The following SCLT1 variants were observed in gnomAD, a reference collection of about 807,000 sequenced individuals.
The protein encoded by SCLT1 is sodium channel-associated protein 1.
SCLT1 carries 78 observed loss-of-function variants against 112.8 expected under a neutral mutation model. The observed-to-expected ratio is 0.69, with a 90% CI of 0.58 to 0.83. The LOEUF is 0.83. Ranked by LOEUF, SCLT1 falls within the 40% of genes least tolerant of loss-of-function variation. SCLT1 has a pLI of 0.00. For missense variants in SCLT1, 747 were observed against 770.4 expected (o/e 0.97, Z 0.36); for synonymous variants, 257 against 254.7 (o/e 1.01, Z -0.09).
intron 2 of SCLT1, among the ~76,000 whole-genome samples, chr4:129,065,636 G>C (rs987052508): frequency 6.6e-6 from 1 of 151,408 alleles, no homozygotes; most frequent in African/African-American, 2.4e-5. Context: ...TTGGCCAGTG[G>C]GCTATAGTTT....
chr4:129,028,430 G>A (rs1378612587), intron 5 of SCLT1, among the ~76,000 whole-genome samples: 1 of 152,104 alleles, frequency 6.6e-6, no homozygotes, highest in South Asian at 2.1e-4. Context: ...ATGGGGAAAG[G>A]ATTCCCTATT....
intron 13 of SCLT1, among the ~76,000 whole-genome samples, chr4:128,953,628 A>C (rs1005256067): frequency 2.0e-5 from 3 of 151,326 alleles, no homozygotes; most frequent in Non-Finnish European, 4.4e-5. Flanking sequence ...CTCCGTCTCT[A>C]TAAAAAAAAA....
chr4:129,059,052 C>T (rs1413437723), intron 2 of SCLT1, among the ~76,000 whole-genome samples: 2 of 151,964 alleles, frequency 1.3e-5, no homozygotes, highest in Admixed American at 6.6e-5. Flanking sequence ...TGTTTGTTTC[C>T]AGTTTTTGAT....
At chr4:128,900,773 A>G (rs1404638926) in intron 18 of SCLT1, among the ~76,000 whole-genome samples, 3 of 152,296 alleles carry the variant, frequency 2.0e-5, no homozygotes, top group African/African-American at 7.2e-5. Flanking sequence ...TTTGCAATCT[A>G]CTCATCTGAC....
intron 18 of SCLT1, among the ~76,000 whole-genome samples, chr4:128,895,882 G>A (rs1733708981): frequency 6.6e-6 from 1 of 152,206 alleles, no homozygotes; most frequent in Admixed American, 6.5e-5. Context: ...GGCACACCAG[G>A]AGATTATATC....
intron 18 of SCLT1, among the ~76,000 whole-genome samples, chr4:128,919,104 C>T (rs930054065): frequency 6.6e-6 from 1 of 152,072 alleles, no homozygotes; most frequent in African/African-American, 2.4e-5. Context: ...GACCTCTCCA[C>T]CCAAAACAAA....
chr4:129,067,715 T>C (rs906025364), intron 2 of SCLT1, among the ~76,000 whole-genome samples: 9 of 152,180 alleles, frequency 5.9e-5, no homozygotes, highest in Admixed American at 2.6e-4. Flanking sequence ...TTTCACCATG[T>C]TGGCCAGGCT....
chr4:128,948,128 G>A (rs1026560858), intron 15 of SCLT1, among the ~76,000 whole-genome samples: 1 of 151,890 alleles, frequency 6.6e-6, no homozygotes, highest in African/African-American at 2.4e-5. Flanking sequence ...GAGGTCAGGA[G>A]ATAGAGACCA....
intron 18 of SCLT1, 25 bp downstream of exon 18, chr4:128,936,630 G>A: frequency 2.1e-6 from 3 of 1,428,356 alleles, no homozygotes; most frequent in Non-Finnish European, 2.9e-6. Context: ...TGTAAAACAT[G>A]TCAAACAACT....
chr4:129,088,707 C>CA (rs1252398076), intron 1 of SCLT1, among the ~76,000 whole-genome samples: 3 of 152,218 alleles, frequency 2.0e-5, no homozygotes, highest in Admixed American at 6.5e-5. Flanking sequence ...CACACATCTA[C>CA]AGCCATCTGA....
intron 5 of SCLT1, among the ~76,000 whole-genome samples, chr4:129,014,067 C>G (rs975918869): frequency 6.6e-6 from 1 of 152,178 alleles, no homozygotes; most frequent in Non-Finnish European, 1.5e-5. Context: ...AGTCTTCAAA[C>G]TCTGAGATTC....
At chr4:128,967,327 T>C (rs1017324824) in intron 10 of SCLT1, among the ~76,000 whole-genome samples, 1 of 152,220 alleles carries the variant, frequency 6.6e-6, no homozygotes, top group Non-Finnish European at 1.5e-5. Flanking sequence ...TACATGGACA[T>C]GTGTCTTGAT....
At chr4:128,948,383 G>T in intron 15 of SCLT1, 113 bp downstream of exon 15, 1 of 1,141,828 alleles carries the variant, frequency 8.8e-7, no homozygotes, top group Non-Finnish European at 1.2e-6. Context: ...AAACTTACCA[G>T]GACAATACTA....
chr4:129,028,596 C>T (rs1356774437), intron 5 of SCLT1, among the ~76,000 whole-genome samples: 1 of 152,138 alleles, frequency 6.6e-6, no homozygotes, highest in Non-Finnish European at 1.5e-5. Context: ...CTATGCATTA[C>T]CATTCAAGAC....
intron 5 of SCLT1, among the ~76,000 whole-genome samples, chr4:129,020,278 T>C (rs1490835220): frequency 1.3e-5 from 2 of 152,182 alleles, no homozygotes; most frequent in Admixed American, 6.5e-5. Flanking sequence ...CCTCCATAAA[T>C]ACACTCTTAT....
At chr4:129,034,497 T>G (rs1747011535) in intron 5 of SCLT1, among the ~76,000 whole-genome samples, 1 of 151,308 alleles carries the variant, frequency 6.6e-6, no homozygotes, top group Admixed American at 6.6e-5. Flanking sequence ...ACTAGATTCA[T>G]ATACTAACTA....
intron 7 of SCLT1, 74 bp from the exon 8 acceptor site, chr4:128,998,013 A>C (rs1743156715): frequency 3.1e-6 from 2 of 642,232 alleles, no homozygotes; most frequent in African/African-American, 3.8e-5. Context: ...ATTAAACTAA[A>C]ATCAAGTCTA....
rs1482047190 is a variant in SCLT1, at chr4:128,936,842, T to C, written c.1642A>G (p.Met548Val). ...QKKAKVKIST[M>V]EHEFSIKERG... ...TCCTTTATTGAAAATTCATGTTCCA[T>C]TGTACTGATCTAAAGAATAAAATGA... Residue 548 changes from methionine (M) to valine (V), a missense_variant, in exon 18 of 21, where the codon ATG (methionine) becomes GTG (valine). Around this residue, in one of 2 missense-constraint regions of SCLT1, gnomAD observed 723 missense variants for 721.3 expected, o/e 1.00. Coordinates refer to ENST00000281142, the MANE Select transcript of SCLT1 (RefSeq NM_144643.4). 2.6e-6 allele frequency: 4 copies of C among 1,541,758 alleles called. No homozygotes were observed. The highest frequency in any genetic ancestry group is 2.7e-6 in the Non-Finnish European group (3 of 1,124,348).
chr4:129,029,373 T>G (rs1323271234), intron 5 of SCLT1, among the ~76,000 whole-genome samples: 1 of 152,072 alleles, frequency 6.6e-6, no homozygotes, highest in African/African-American at 2.4e-5. Flanking sequence ...TCATGTCCTT[T>G]GTAGAGACAT....
Sources: allele counts gnomAD v4.1 joint callset (sites outside exome capture counted in the v4.1 genomes callset), GRCh38; gene constraint gnomAD v4.1.1; regional missense constraint gnomAD v4.1.1; transcripts MANE v1.5; gene names NCBI Gene and HGNC (gene_info 2026-07-23, HGNC 2026-07-21).